CALR: variants seen among roughly 807,000 people sequenced by gnomAD.
CALR encodes calreticulin, also known as CRP55.
In CALR, 15 loss-of-function variants were observed where a neutral mutation model predicts 51.1. The ratio of observed to expected loss-of-function variants is 0.29; its 90% CI spans 0.20 to 0.45. The LOEUF is 0.45. Among genes scored for constraint, CALR ranks in the 20% least tolerant of loss-of-function variants. The pLI is 1.00. For missense variants in CALR, 477 were observed against 530.6 expected (o/e 0.90, Z 0.99); for synonymous variants, 239 against 205.9 (o/e 1.16, Z -1.38).
chr19:12,940,200 CCT>C, intron 4 of CALR, 41 bp from the exon 5 acceptor site: 1 of 1,611,482 alleles, frequency 6.2e-7, no homozygotes, highest in Non-Finnish European at 8.5e-7. Flanking sequence ...CAGAGGTCAG[CCT>C]CATTGGGGGG....
Position 12,943,746 on chromosome 19 carries a change from G to A in CALR, c.1087G>A (p.Glu363Lys), listed in dbSNP as rs1167230978. ...AEKQMKDKQD[E>K]EQRLKEEEED... ...GAAACAAATGAAGGACAAACAGGAC[G>A]AGGAGCAGAGGCTTAAGGAGGAGGA... The change falls in exon 9 of 9, where the codon GAG (glutamate) becomes AAG (lysine). Residue 363 changes from glutamate (E) to lysine (K), a missense_variant. Physicochemically the swap from Glu to Lys is moderately conservative, Grantham distance 56. Coordinates refer to ENST00000316448, the MANE Select transcript of CALR (RefSeq NM_004343.4). The A allele has an allele frequency of 7.4e-6, 12 of 1,612,578 alleles. No individual in the cohort carries two copies. Among genetic ancestry groups the A allele is most frequent in the African/African-American group, 4.0e-5 (3 of 74,880 alleles).
intron 7 of CALR, among the ~76,000 whole-genome samples, chr19:12,941,634 G>A (rs1360313187): frequency 1.3e-5 from 2 of 151,788 alleles, no homozygotes; most frequent in African/African-American, 4.8e-5. Flanking sequence ...CCCCCACCAT[G>A]CCTGGCTAAT....
At chr19:12,939,822 C>T (rs1971521280) in intron 3 of CALR, among the ~76,000 whole-genome samples, 191 bp downstream of exon 3, 1 of 152,070 alleles carries the variant, frequency 6.6e-6, no homozygotes, top group Non-Finnish European at 1.5e-5. Context: ...TAGTTATTTC[C>T]CAATCTTACT....
Position 12,944,101 on chromosome 19 carries a change from T to C in CALR, c.*188T>C. 1 of 947,928 alleles carries C rather than the reference T, an allele frequency of 1.1e-6. No homozygotes were observed. The highest frequency in any genetic ancestry group is 1.5e-6 in the Non-Finnish European group (1 of 650,020). 58.7% of individuals were successfully genotyped at this position (947,928 alleles called of 1,614,324 possible). A position where few individuals can be genotyped will look rare whatever the true frequency, so the allele number is the denominator to read the frequency against. On this transcript the variant is annotated 3_prime_UTR_variant, in exon 9 of 9. Transcript: ENST00000316448. ...CCCCCTCCCCGCCCTTTTTTTTTTTTTTTTTTAAACTGGTATTTTATCTTT... is the reference window on the plus strand; with the variant it reads ...CCCCCTCCCCGCCCTTTTTTTTTTTCTTTTTTAAACTGGTATTTTATCTTT...
Position 12,940,574 on chromosome 19 carries a change from G to A in CALR, c.736G>A (p.Asp246Asn). 6.2e-7 allele frequency: 1 copy of A among 1,614,154 alleles called. No homozygotes were observed. Among genetic ancestry groups the A allele is most frequent in the Non-Finnish European group, 8.5e-7 (1 of 1,180,032 alleles). ...CAAGCCCGAGCATATCCCTGACCCT[G>A]ATGCTAAGAAGCCCGAGGACTGGGA... ...WDKPEHIPDPDAKKPEDWDEE... is the reference protein window; with the variant it reads ...WDKPEHIPDPNAKKPEDWDEE... The change falls in exon 6 of 9, where the codon GAT (aspartate) becomes AAT (asparagine). Residue 246 changes from aspartate to asparagine, a missense_variant. Asp to Asn is a conservative substitution (Grantham distance 23, BLOSUM62 1). Transcript: ENST00000316448.
chr19:12,943,929 G>C lies in CALR; in HGVS notation c.*16G>C. On this transcript the variant is annotated 3_prime_UTR_variant, in exon 9 of 9. Coordinates refer to ENST00000316448, the MANE Select transcript of CALR (RefSeq NM_004343.4). ...CGAGCTGTAGAGAGGCCTGCCTCCAGGGCTGGACTGAGGCCTGAGCGCTCC... is the reference window on the plus strand; with the variant it reads ...CGAGCTGTAGAGAGGCCTGCCTCCACGGCTGGACTGAGGCCTGAGCGCTCC... 2 of 1,604,246 alleles carry C rather than the reference G, an allele frequency of 1.2e-6. No homozygotes were observed. The highest frequency in any genetic ancestry group is 1.7e-6 in the Non-Finnish European group (2 of 1,176,730).
rs767701623 is a variant in CALR at position 12,940,760 on chromosome 19, G to A, written c.833G>A (p.Arg278Gln). 17 of 1,613,974 alleles carry A rather than the reference G, an allele frequency of 1.1e-5. No individual in the cohort carries two copies. In the African/African-American group the frequency reaches 1.5e-4, roughly 14 times the overall value. ...NPEYKGEWKP[R>Q]QIDNPDYKGT... ...CTTCTGCAGGGTGAGTGGAAGCCCC[G>A]GCAGATCGACAACCCAGATTACAAG... is the stretch of plus-strand genomic sequence containing the variant. Residue 278 changes from arginine (R) to glutamine (Q), a missense_variant, in exon 7 of 9, where the codon CGG becomes CAG. Transcript: ENST00000316448.
chr19:12,943,497 CG>C, intron 7 of CALR, 39 bp from the exon 8 acceptor site: 1 of 1,569,390 alleles, frequency 6.4e-7, no homozygotes, highest in Non-Finnish European at 8.8e-7. Context: ...CAAGGGCTAT[CG>C]GGTATCACCT....
At chr19:12,943,481 C>G in intron 7 of CALR, 56 bp from the exon 8 acceptor site, 4 of 1,516,516 alleles carry the variant, frequency 2.6e-6, no homozygotes, top group Non-Finnish European at 3.7e-6. Flanking sequence ...GAAACCCTGT[C>G]CAAAGCAAGG....
At chr19:12,942,395 T>C in intron 7 of CALR, among the ~76,000 whole-genome samples, 1 of 151,722 alleles carries the variant, frequency 6.6e-6, no homozygotes, top group East Asian at 1.9e-4. Context: ...TGAATTTTTG[T>C]CTGTTTTGGT....
intron 7 of CALR, among the ~76,000 whole-genome samples, chr19:12,941,708 C>A: frequency 6.6e-6 from 1 of 151,622 alleles, no homozygotes; most frequent in East Asian, 2.0e-4. Flanking sequence ...TGGTCTCCAT[C>A]TCCTGACCTC....
At chr19:12,940,694 G>A in intron 6 of CALR, 40 bp downstream of exon 6, 2 of 1,614,046 alleles carry the variant, frequency 1.2e-6, no homozygotes, top group Non-Finnish European at 1.7e-6. Context: ...GCTCACAGTG[G>A]GGAGTGCACC....
intron 3 of CALR, 62 bp downstream of exon 3, chr19:12,939,693 A>G: frequency 7.1e-7 from 1 of 1,404,788 alleles, no homozygotes. Flanking sequence ...CCCAGACCCC[A>G]TTGACTTTCT....
At chr19:12,942,650 A>C (rs1387344795) in intron 7 of CALR, among the ~76,000 whole-genome samples, 1 of 145,926 alleles carries the variant, frequency 6.9e-6, no homozygotes, top group Non-Finnish European at 1.5e-5. Flanking sequence ...GTTGGAGTGC[A>C]GTGGCTTGAT....
intron 7 of CALR, among the ~76,000 whole-genome samples, chr19:12,942,492 A>G (rs1971562380): frequency 6.6e-6 from 1 of 152,030 alleles, no homozygotes; most frequent in Non-Finnish European, 1.5e-5. Context: ...GAAACAAGAA[A>G]CAGGTGCAGA....
rs570289702 is a variant in CALR at position 12,943,596 on chromosome 19, G to C, written c.1020G>C (p.Glu340Asp). 1 of 1,614,194 alleles carries C rather than the reference G, an allele frequency of 6.2e-7. No homozygotes were observed. The highest frequency in any genetic ancestry group is 2.2e-5 in the East Asian group (1 of 44,886). The stretch of plus-strand genomic sequence containing the variant: ...TCACCAACGATGAGGCATACGCTGA[G>C]GAGTTTGGCAACGAGACGTGGGGCG... ...FLITNDEAYA[E>D]EFGNETWGVT... Residue 340 changes from glutamate (E) to aspartate (D), a missense_variant, in exon 8 of 9, where the codon GAG becomes GAC. By Grantham distance (45) the Glu-to-Asp change is conservative (BLOSUM62 2). Coordinates refer to ENST00000316448, the MANE Select transcript of CALR (RefSeq NM_004343.4).
intron 7 of CALR, among the ~76,000 whole-genome samples, chr19:12,943,031 C>T (rs1312429485): frequency 6.7e-6 from 1 of 149,808 alleles, no homozygotes; most frequent in Non-Finnish European, 1.5e-5. Flanking sequence ...GCTGGGATTA[C>T]AGGCATGAGC....
intron 2 of CALR, 26 bp from the exon 3 acceptor site, chr19:12,939,402 G>A: frequency 6.2e-7 from 1 of 1,610,250 alleles, no homozygotes. Context: ...AGGCCCAACG[G>A]TGACCTCACT....
At chr19:12,939,923 G>C in intron 3 of CALR, 130 bp from the exon 4 acceptor site, 1 of 770,088 alleles carries the variant, frequency 1.3e-6, no homozygotes. Context: ...ACAGAATCAG[G>C]GTCTGAGTTT....
Sources: allele counts gnomAD v4.1 joint callset (sites outside exome capture counted in the v4.1 genomes callset), GRCh38; gene constraint gnomAD v4.1.1; transcripts MANE v1.5; gene names NCBI Gene and HGNC (gene_info 2026-07-23, HGNC 2026-07-21).